Variants in BCAT1 observed in about 807,000 individuals in gnomAD.
The protein encoded by BCAT1 is branched chain amino acid transaminase 1.
Under a neutral mutation model 52.4 loss-of-function variants are expected in BCAT1, and 48 were observed. That is an observed-to-expected ratio of 0.92 (90% confidence interval 0.73 to 1.16). The LOEUF is 1.16. Among genes scored for constraint, BCAT1 ranks in the 50% most tolerant of loss-of-function variants. BCAT1 has a pLI of 0.00. For missense variants in BCAT1, 451 were observed against 457.1 expected (o/e 0.99, Z 0.12); for synonymous variants, 167 against 161.3 (o/e 1.04, Z -0.27).
rs189147651 is a variant in BCAT1, at chr12:24,828,160, G to A, written c.1119+1663C>T. ...TTAGTTTCATGACTTAATGCCATCC[G>A]ACATCACTCAAATGATCAAACTTTA... is the stretch of plus-strand genomic sequence containing the variant. On this transcript the variant is annotated intron_variant, in intron 10 of 10. Transcript: ENST00000261192. Among the ~76,000 whole-genome samples, 5 of 152,284 alleles carry A rather than the reference G, an allele frequency of 3.3e-5. No individual in the cohort carries two copies. In the East Asian group the frequency reaches 5.8e-4, roughly 18 times the overall value.
chr12:24,930,532 C>T (rs1357105531), intron 1 of BCAT1, among the ~76,000 whole-genome samples: 1 of 152,196 alleles, frequency 6.6e-6, no homozygotes. Flanking sequence ...ACACCAGTGG[C>T]ACAAGTCAAG....
At chr12:24,899,232 G>C (rs760170908) in intron 2 of BCAT1, among the ~76,000 whole-genome samples, 1 of 152,130 alleles carries the variant, frequency 6.6e-6, no homozygotes, top group Non-Finnish European at 1.5e-5. Flanking sequence ...ATCATAAATG[G>C]GGAGGGGAGA....
At chr12:24,875,636 C>A (rs573759166) in intron 5 of BCAT1, among the ~76,000 whole-genome samples, 1 of 152,048 alleles carries the variant, frequency 6.6e-6, no homozygotes, top group Admixed American at 6.6e-5. Flanking sequence ...GCATCACAAT[C>A]ACTCACCAGA....
chr12:24,848,212 T>C (rs975276041), intron 6 of BCAT1, among the ~76,000 whole-genome samples: 3 of 152,208 alleles, frequency 2.0e-5, no homozygotes, highest in Admixed American at 1.3e-4. Flanking sequence ...TATAATAGAT[T>C]TTATTATTTT....
intron 10 of BCAT1, among the ~76,000 whole-genome samples, chr12:24,825,328 CG>C (rs1940347223): frequency 6.6e-6 from 1 of 152,030 alleles, no homozygotes; most frequent in African/African-American, 2.4e-5. Flanking sequence ...CTGGATCACA[CG>C]GAAGTTCTAG....
At chr12:24,839,873 A>G (rs1196236573) in intron 7 of BCAT1, among the ~76,000 whole-genome samples, 2 of 152,170 alleles carry the variant, frequency 1.3e-5, no homozygotes, top group Non-Finnish European at 2.9e-5. Context: ...GTTACTTCAG[A>G]ATTGCATGTC....
intron 5 of BCAT1, among the ~76,000 whole-genome samples, chr12:24,874,425 C>A (rs1942270225): frequency 6.6e-6 from 1 of 152,144 alleles, no homozygotes; most frequent in South Asian, 2.1e-4. Flanking sequence ...AATAGCAGAG[C>A]CACTCCCTAA....
chr12:24,923,695 C>T (rs1943535606), intron 1 of BCAT1, among the ~76,000 whole-genome samples: 1 of 152,200 alleles, frequency 6.6e-6, no homozygotes, highest in Admixed American at 6.5e-5. Context: ...CAGGCATAAG[C>T]CACCATGCCC....
intron 1 of BCAT1, among the ~76,000 whole-genome samples, chr12:24,931,424 G>A (rs552492406): frequency 6.6e-6 from 1 of 151,936 alleles, no homozygotes; most frequent in Admixed American, 6.6e-5. Context: ...CAGAGGAGAC[G>A]AAATCATCAA....
intron 10 of BCAT1, among the ~76,000 whole-genome samples, chr12:24,825,243 A>G (rs1940341573): frequency 6.6e-6 from 1 of 152,158 alleles, no homozygotes; most frequent in Non-Finnish European, 1.5e-5. Flanking sequence ...TACTATTGCA[A>G]TAAACATGGG....
intron 5 of BCAT1, among the ~76,000 whole-genome samples, chr12:24,869,696 TG>T (rs996540619): frequency 1.3e-5 from 2 of 151,850 alleles, no homozygotes; most frequent in South Asian, 4.2e-4. Context: ...AGATGGGAGA[TG>T]GGGGGACATA....
chr12:24,859,070 C>G (rs1331168415), intron 5 of BCAT1, among the ~76,000 whole-genome samples: 1 of 152,124 alleles, frequency 6.6e-6, no homozygotes, highest in Non-Finnish European at 1.5e-5. Context: ...TTGTAAAGGA[C>G]TACAAAAGGT....
chr12:24,930,511 C>T (rs1249111295), intron 1 of BCAT1, among the ~76,000 whole-genome samples: 1 of 152,214 alleles, frequency 6.6e-6, no homozygotes, highest in Non-Finnish European at 1.5e-5. Context: ...GCTGACACTG[C>T]TATGTTCCGT....
At chr12:24,859,702 C>T (rs1427210727) in intron 5 of BCAT1, among the ~76,000 whole-genome samples, 1 of 151,308 alleles carries the variant, frequency 6.6e-6, no homozygotes, top group Non-Finnish European at 1.5e-5. Context: ...TTTACAGTGA[C>T]CTGGGATTCG....
intron 1 of BCAT1, chr12:24,903,294 C>G (rs1279114524): frequency 7.9e-6 from 3 of 382,084 alleles, no homozygotes; most frequent in Non-Finnish European, 1.3e-5. Context: ...AGCGCCTTTC[C>G]AAGCGCAGAT....
intron 5 of BCAT1, among the ~76,000 whole-genome samples, chr12:24,857,362 G>A (rs1343402386): frequency 1.3e-5 from 2 of 152,148 alleles, no homozygotes; most frequent in East Asian, 1.9e-4. Flanking sequence ...GGTTTCACCT[G>A]GGAGGTTACT....
At chr12:24,851,601 G>C (rs1222316733) in intron 5 of BCAT1, among the ~76,000 whole-genome samples, 1 of 152,238 alleles carries the variant, frequency 6.6e-6, no homozygotes, top group African/African-American at 2.4e-5. Context: ...TATGATGGTT[G>C]ATGGAAGACT....
chr12:24,838,256 A>G (rs1280263064), intron 7 of BCAT1, among the ~76,000 whole-genome samples: 1 of 152,214 alleles, frequency 6.6e-6, no homozygotes, highest in Admixed American at 6.5e-5. Context: ...TATATAATAA[A>G]TGTTTTTGAG....
rs372693792 is a variant in BCAT1 at position 24,939,559 on chromosome 12, G to A, written c.6+9368C>T. 4.6e-5 allele frequency among the ~76,000 whole-genome samples: 7 copies of A among 152,274 alleles called. No individual in the cohort carries two copies. The South Asian group carries it at 8.3e-4, about 18-fold the overall frequency. ...TTAACTAAAATTTGCTTAAATGGCC[G>A]GGTGCAGTGGCTCACGCCTGTAATC... On this transcript the variant is annotated intron_variant, in intron 1 of 10. Transcript: ENST00000261192.
Sources: allele counts gnomAD v4.1 joint callset (sites outside exome capture counted in the v4.1 genomes callset), GRCh38; gene constraint gnomAD v4.1.1; transcripts MANE v1.5; gene names NCBI Gene and HGNC (gene_info 2026-07-23, HGNC 2026-07-21).